The following SYNE2 variants were observed in gnomAD, a reference collection of about 807,000 sequenced individuals.
The protein encoded by SYNE2 is spectrin repeat containing nuclear envelope protein 2.
A neutral mutation model predicts 856.3 loss-of-function variants in SYNE2; 431 were observed. The observed-to-expected ratio is 0.50, with a 90% CI of 0.47 to 0.55. The LOEUF (loss-of-function observed/expected upper bound fraction) is 0.55. Among genes scored for constraint, SYNE2 ranks in the 20% least tolerant of loss-of-function variants. The pLI is 0.00. For synonymous variants in SYNE2, 2,923 were observed against 2,872.3 expected (o/e 1.02, Z -0.56); for missense variants, 8,129 against 8,023.2 (o/e 1.01, Z -0.50).
At position 64,208,828 on chromosome 14, in the gene SYNE2, T is replaced by C; in HGVS notation, c.18272T>C (p.Leu6091Pro). The part of the protein sequence containing the change: ...ESVFNICDVL[L>P]HDSDACANET... ...GTGTTTAACATCTGTGACGTCCTAC[T>C]GCACGACTCCGATGCCTGTGCAAAT... is the stretch of plus-strand genomic sequence containing the variant. The change falls in exon 101 of 116, where the codon CTG becomes CCG. Residue 6091 changes from leucine (L) to proline (P), a missense_variant. Around this residue, in one of 3 missense-constraint regions of SYNE2, gnomAD observed 5,410 missense variants for 5,284.8 expected, o/e 1.02. Transcript: ENST00000555002. The C allele has an allele frequency of 6.2e-7, 1 of 1,614,240 alleles. No individual in the cohort carries two copies. Among genetic ancestry groups the C allele is most frequent in the Non-Finnish European group, 8.5e-7 (1 of 1,180,036 alleles).
chr14:64,225,149 T>C, intron 115 of SYNE2, 104 bp downstream of exon 115: 1 of 1,557,174 alleles, frequency 6.4e-7, no homozygotes. Context: ...AATCTGGTTT[T>C]CTTTTGTCTG....
rs5809216 is a variant in SYNE2, at chr14:64,154,168, T to TAA, written c.15792+1466_15792+1467dup. ...AACATAGCAAGACCCCCATTTGTAT[T>TAA]AAAAAAAAAAAAAAAGACACAAGTA... On this transcript the variant is annotated intron_variant, in intron 85 of 115. Coordinates refer to ENST00000555002, the MANE Select transcript of SYNE2 (RefSeq NM_182914.3). Among the ~76,000 whole-genome samples, 627 of 138,020 alleles carry TAA rather than the reference T, an allele frequency of 4.5e-3. 2 individuals carry two copies. The highest frequency in any genetic ancestry group is 6.7e-3 in the Non-Finnish European group (428 of 63,906). 90.5% of individuals were successfully genotyped at this position (138,020 alleles called of 152,430 possible).
intron 1 of SYNE2, among the ~76,000 whole-genome samples, chr14:63,791,372 A>G (rs1383426615): frequency 1.3e-5 from 2 of 152,176 alleles, no homozygotes; most frequent in Admixed American, 6.5e-5. Context: ...AATTTAAAAT[A>G]ATTTACTGTC....
intron 1 of SYNE2, among the ~76,000 whole-genome samples, chr14:63,835,566 CGTGTGTGTGTGT>C (rs10557777): frequency 6.7e-6 from 1 of 149,360 alleles, no homozygotes; most frequent in Admixed American, 6.7e-5. Flanking sequence ...TAGATATTTG[CGTGTGTGTGTGT>C]GTGTGTGTGT....
chr14:64,182,327 C>A (rs1193949924), intron 96 of SYNE2, among the ~76,000 whole-genome samples: 1 of 151,834 alleles, frequency 6.6e-6, no homozygotes, highest in Non-Finnish European at 1.5e-5. Context: ...ATCTCTTTGA[C>A]AGTTTGGTTG....
intron 84 of SYNE2, among the ~76,000 whole-genome samples, chr14:64,149,118 G>A (rs1345101558): frequency 6.6e-6 from 1 of 151,160 alleles, no homozygotes; most frequent in South Asian, 2.1e-4. Flanking sequence ...AACCAGCCAG[G>A]GCAACATAAG....
rs760663583 is a variant in SYNE2 at position 64,090,953 on chromosome 14, A to C, written c.11881A>C (p.Met3961Leu). 13 of 1,614,032 alleles carry C rather than the reference A, an allele frequency of 8.1e-6. No homozygotes were observed. The African/African-American group carries it at 1.7e-4, about 22-fold the overall frequency. Residue 3961 changes from methionine to leucine, a missense_variant, in exon 60 of 116, where the codon ATG (methionine) becomes CTG (leucine). Transcript: ENST00000555002. The part of the protein sequence containing the change: ...QVELRLPQTG[M>L]KPLPVFQRTN... ...GGAACTGAGGTTGCCCCAAACAGGA[A>C]TGAAACCTCTGCCTGTGTTTCAGCG... is the stretch of plus-strand genomic sequence containing the variant.
chr14:64,107,240 C>T (rs1315425296), intron 64 of SYNE2, among the ~76,000 whole-genome samples: 5 of 152,224 alleles, frequency 3.3e-5, no homozygotes, highest in South Asian at 2.1e-4. Flanking sequence ...TACTTAAGTA[C>T]GTAATTCTCT....
intron 1 of SYNE2, among the ~76,000 whole-genome samples, chr14:63,846,262 G>T (rs1312098945): frequency 6.6e-6 from 1 of 151,798 alleles, no homozygotes; most frequent in Non-Finnish European, 1.5e-5. Context: ...TGCCCAGGTT[G>T]GTCTCAAACT....
chr14:64,061,316 T>A (rs1333665104), intron 49 of SYNE2, among the ~76,000 whole-genome samples: 1 of 152,202 alleles, frequency 6.6e-6, no homozygotes, highest in Non-Finnish European at 1.5e-5. Flanking sequence ...GACATTTGGA[T>A]TGCTCCCAGT....
chr14:64,022,826 CAAAA>C lies in SYNE2; in HGVS notation c.5603_5606del (p.Lys1868ArgfsTer14). The C allele has an allele frequency of 6.2e-7, 1 of 1,607,670 alleles. No individual in the cohort carries two copies. On this transcript the variant is annotated frameshift_variant, in exon 38 of 116. Transcript: ENST00000555002. LOFTEE classifies it high-confidence loss of function. ...AAGGAGTGTTTTGAATCATCAGAAA[CAAAA>C]AAGAGTGTGGAACAAAAGCTACAAA...
chr14:64,080,569 G>C lies in SYNE2; in HGVS notation c.11277G>C (p.Leu3759Phe), dbSNP rs2097512352. 1 of 1,614,214 alleles carries C rather than the reference G, an allele frequency of 6.2e-7. No individual in the cohort carries two copies. The highest frequency in any genetic ancestry group is 1.1e-5 in the South Asian group (1 of 91,074). The change falls in exon 56 of 116, where the codon TTG becomes TTC. Residue 3759 changes from leucine (L) to phenylalanine (F), a missense_variant. By Grantham distance (22) the Leu-to-Phe change is conservative (BLOSUM62 0). Coordinates refer to ENST00000555002, the MANE Select transcript of SYNE2 (RefSeq NM_182914.3). ...AGGCTCAAGAATGGATGGATAACTT[G>C]ATGATTCCTTTCCAGCAGTATCAGC... Reference protein sequence around the residue: ...PGQAQEWMDNLMIPFQQYQQV... With the variant: ...PGQAQEWMDNFMIPFQQYQQV...
chr14:63,940,141 G>C lies in SYNE2; in HGVS notation c.80-473G>C, dbSNP rs1595760748. Among the ~76,000 whole-genome samples, 8 of 147,012 alleles carry C rather than the reference G, an allele frequency of 5.4e-5. 1 individual carries two copies. In the South Asian group the frequency reaches 1.8e-3, roughly 32 times the overall value. On this transcript the variant is annotated intron_variant, in intron 2 of 115. Coordinates refer to ENST00000555002, the MANE Select transcript of SYNE2 (RefSeq NM_182914.3). ...TGACCAGGCTGCAGTGCAGGGGCAT[G>C]ATCACGACTCACTGCAGCCTTGACT...
At chr14:63,826,041 T>C (rs575918936) in intron 1 of SYNE2, among the ~76,000 whole-genome samples, 129 of 152,240 alleles carry the variant, frequency 8.5e-4, no homozygotes, top group Non-Finnish European at 1.7e-3. Flanking sequence ...TTGGACAAGC[T>C]AATCCTAAAA....
chr14:63,974,388 C>T (rs1007304270), intron 11 of SYNE2, among the ~76,000 whole-genome samples: 3 of 151,962 alleles, frequency 2.0e-5, no homozygotes, highest in South Asian at 2.1e-4. Flanking sequence ...AGAGAGGAAG[C>T]GAGAGCGAGA....
chr14:64,141,224 G>GTGTA (rs1003236957), intron 80 of SYNE2, 117 bp from the exon 81 acceptor site: 1 of 772,092 alleles, frequency 1.3e-6, no homozygotes, highest in African/African-American at 1.7e-5. Context: ...GTGTGTGTGT[G>GTGTA]TGTATACACA....
At chr14:64,062,968 G>A (rs2097329132) in intron 50 of SYNE2, 73 bp downstream of exon 50, 1 of 1,569,656 alleles carries the variant, frequency 6.4e-7, no homozygotes, top group Admixed American at 1.7e-5. Flanking sequence ...AGGCAGCAGA[G>A]AATGTGGTCC....
intron 1 of SYNE2, among the ~76,000 whole-genome samples, chr14:63,810,773 C>T (rs755781764): frequency 3.3e-5 from 5 of 152,266 alleles, no homozygotes; most frequent in East Asian, 1.9e-4. Context: ...CTTTTGTAAA[C>T]GGAATTGAAA....
chr14:63,838,322 G>A (rs573479629), intron 1 of SYNE2, among the ~76,000 whole-genome samples: 1 of 152,276 alleles, frequency 6.6e-6, no homozygotes, highest in South Asian at 2.1e-4. Context: ...GGGTGTCAGA[G>A]CAAGACTTCA....
Sources: gnomAD v4.1 joint callset for allele counts (sites outside exome capture counted in the v4.1 genomes callset) on GRCh38, gnomAD v4.1.1 for gene constraint, gnomAD v4.1.1 regional missense constraint, MANE v1.5 for transcripts, NCBI Gene and HGNC (gene_info 2026-07-23, HGNC 2026-07-21) for gene names.